MIPEP: variants seen among roughly 807,000 people sequenced by gnomAD.
MIPEP encodes the protein mitochondrial intermediate peptidase.
In MIPEP, 79 loss-of-function variants were observed where a neutral mutation model predicts 90.3. That is an observed-to-expected ratio of 0.87 (90% CI 0.73 to 1.05). The LOEUF is 1.05. MIPEP is among the 50% of genes least tolerant of loss of function. The pLI is 0.00. For synonymous variants in MIPEP, 334 were observed against 315.8 expected, an observed-to-expected ratio of 1.06 and a Z score of -0.61; for missense variants, 940 against 905.6, an observed-to-expected ratio of 1.04 and a Z score of -0.49.
chr13:23,888,374 C>T (rs1391988962), intron 1 of MIPEP, among the ~76,000 whole-genome samples: 2 of 152,188 alleles, frequency 1.3e-5, no homozygotes, highest in Admixed American at 6.5e-5. Context: ...TAAGGCAATA[C>T]AGTATAACGA....
At chr13:23,838,933 A>G (rs1388859544) in intron 12 of MIPEP, among the ~76,000 whole-genome samples, 1 of 152,268 alleles carries the variant, frequency 6.6e-6, no homozygotes, top group Non-Finnish European at 1.5e-5. Flanking sequence ...TCATAAGCTC[A>G]CATCTGTTAA....
intron 16 of MIPEP, among the ~76,000 whole-genome samples, chr13:23,801,690 A>G (rs908589453): frequency 6.6e-6 from 1 of 152,206 alleles, no homozygotes; most frequent in African/African-American, 2.4e-5. Context: ...ATATAAATGT[A>G]CTAGTTTGAT....
At chr13:23,872,386 G>A (rs377524480) in intron 5 of MIPEP, among the ~76,000 whole-genome samples, 32 of 152,274 alleles carry the variant, frequency 2.1e-4, no homozygotes, top group African/African-American at 7.0e-4. Flanking sequence ...GCTTGAACCC[G>A]GGAGGCGGAG....
intron 17 of MIPEP, among the ~76,000 whole-genome samples, chr13:23,759,846 C>A (rs1057269252): frequency 6.6e-6 from 1 of 152,150 alleles, no homozygotes; most frequent in Non-Finnish European, 1.5e-5. Context: ...CCCTCAGACA[C>A]CACACAGCCA....
intron 14 of MIPEP, among the ~76,000 whole-genome samples, chr13:23,818,958 A>G (rs771156198): frequency 1.4e-4 from 22 of 152,206 alleles, no homozygotes; most frequent in Non-Finnish European, 2.6e-4. Context: ...CAAAAAAAAC[A>G]TTAGATGGCA....
chr13:23,766,470 T>C (rs769317072), intron 16 of MIPEP, among the ~76,000 whole-genome samples: 1 of 152,240 alleles, frequency 6.6e-6, no homozygotes, highest in Non-Finnish European at 1.5e-5. Context: ...CTGTGTACAA[T>C]ATCACTGGTC....
At chr13:23,837,898 A>T (rs1282844297) in intron 12 of MIPEP, 142 bp from the exon 13 acceptor site, 3 of 605,276 alleles carry the variant, frequency 5.0e-6, no homozygotes, top group South Asian at 4.7e-5. Context: ...ATCTATTTAC[A>T]TATATACACC....
At chr13:23,862,278 A>G (rs374397327) in intron 9 of MIPEP, 24 bp downstream of exon 9, 2 of 1,382,704 alleles carry the variant, frequency 1.4e-6, no homozygotes, top group African/African-American at 2.9e-5. Flanking sequence ...CTATATTATA[A>G]TAAAAATATT....
intron 16 of MIPEP, among the ~76,000 whole-genome samples, chr13:23,805,042 T>C (rs960966953): frequency 1.3e-5 from 2 of 152,180 alleles, no homozygotes; most frequent in Non-Finnish European, 1.5e-5. Context: ...CTAACGACAT[T>C]GTGGGAGACC....
chr13:23,825,879 TGA>T (rs1868431569), intron 14 of MIPEP, among the ~76,000 whole-genome samples: 1 of 152,208 alleles, frequency 6.6e-6, no homozygotes, highest in Non-Finnish European at 1.5e-5. Context: ...GAAAAAATTA[TGA>T]GAGTGAGTAT....
intron 18 of MIPEP, among the ~76,000 whole-genome samples, chr13:23,749,990 G>A (rs1326627594): frequency 6.6e-6 from 1 of 152,130 alleles, no homozygotes; most frequent in Non-Finnish European, 1.5e-5. Flanking sequence ...AAAGGCTGCT[G>A]GGAAGAAGGG....
chr13:23,737,782 G>C (rs572188911), intron 18 of MIPEP, among the ~76,000 whole-genome samples: 1 of 152,282 alleles, frequency 6.6e-6, no homozygotes, highest in Admixed American at 6.5e-5. Flanking sequence ...TTGCAAAGAC[G>C]AAATCTCATT....
intron 18 of MIPEP, among the ~76,000 whole-genome samples, chr13:23,749,607 G>A (rs141537418): frequency 2.8e-4 from 42 of 152,260 alleles, no homozygotes; most frequent in Non-Finnish European, 4.6e-4. Context: ...AACTGAATCC[G>A]ACAGGCTTGG....
At chr13:23,879,208 G>A (rs535498413) in intron 4 of MIPEP, 60 bp downstream of exon 4, 32 of 995,388 alleles carry the variant, frequency 3.2e-5, no homozygotes, top group South Asian at 2.7e-4. Flanking sequence ...CTGAGGGAGA[G>A]TCTCCCAACC....
intron 10 of MIPEP, among the ~76,000 whole-genome samples, chr13:23,844,707 A>C (rs940407749): frequency 1.4e-4 from 22 of 152,340 alleles, no homozygotes; most frequent in Non-Finnish European, 2.8e-4. Context: ...AAAGAAACAC[A>C]GTAAAGCTAG....
At chr13:23,830,015 G>A (rs1192846789) in intron 14 of MIPEP, among the ~76,000 whole-genome samples, 1 of 152,180 alleles carries the variant, frequency 6.6e-6, no homozygotes, top group Non-Finnish European at 1.5e-5. Flanking sequence ...TAAATTAGCA[G>A]AAACATTTTG....
At chr13:23,875,611 T>TTTGGCTTTCC (rs1049560982) in intron 4 of MIPEP, among the ~76,000 whole-genome samples, 1 of 152,004 alleles carries the variant, frequency 6.6e-6, no homozygotes, top group Non-Finnish European at 1.5e-5. Flanking sequence ...GATCTACTCT[T>TTTGGCTTTCC]TTGGCTTTCC....
At position 23,751,918 on chromosome 13, in the gene MIPEP, C is replaced by T. The variant is rs148589907; in HGVS notation, c.2044+4627G>A. On this transcript the variant is annotated intron_variant, in intron 18 of 18. Coordinates refer to ENST00000382172, the MANE Select transcript of MIPEP (RefSeq NM_005932.4). ...AATGTCAATGAGAATAGATAGGTTG[C>T]GACATTAAAAAAAAAAAAACTTGGA... Among the ~76,000 whole-genome samples, 548 of 132,848 alleles carry T rather than the reference C, an allele frequency of 4.1e-3. 2 individuals carry two copies. The highest frequency in any genetic ancestry group is 0.014 in the African/African-American group (527 of 38,582). The allele number at this position is 132,848 out of a possible 152,430, so 87.2% of individuals were successfully genotyped here.
At chr13:23,771,896 C>A (rs145723513) in intron 16 of MIPEP, among the ~76,000 whole-genome samples, 22 of 152,220 alleles carry the variant, frequency 1.4e-4, no homozygotes, top group African/African-American at 5.1e-4. Flanking sequence ...AAAGTACATC[C>A]TATTAACTTT....
Sources: gnomAD v4.1 joint callset for allele counts (sites outside exome capture counted in the v4.1 genomes callset) on GRCh38, gnomAD v4.1.1 for gene constraint, MANE v1.5 for transcripts, NCBI Gene and HGNC (gene_info 2026-07-23, HGNC 2026-07-21) for gene names.